The following ZFHX3 variants were observed in gnomAD, a reference collection of about 807,000 sequenced individuals.
ZFHX3 encodes the protein zinc finger homeobox protein 3.
ZFHX3 carries 42 observed loss-of-function variants against 279.1 expected under a neutral mutation model. That is an observed-to-expected ratio of 0.15 (90% confidence interval 0.12 to 0.19). ZFHX3 has a LOEUF of 0.19. ZFHX3 is among the 10% of genes least tolerant of loss of function. The pLI is 1.00. For synonymous variants in ZFHX3, 2,293 were observed against 1,957.8 expected, an observed-to-expected ratio of 1.17 and a Z score of -4.52; for missense variants, 4,981 against 4,754.0, an observed-to-expected ratio of 1.05 and a Z score of -1.40.
At chr16:73,718,367 T>C (rs755657460) in intron 1 of ZFHX3, among the ~76,000 whole-genome samples, 120 of 152,088 alleles carry the variant, frequency 7.9e-4, no homozygotes, top group Middle Eastern at 3.4e-3. Context: ...GCCAAGATCT[T>C]GCCATCACAC....
intron 3 of ZFHX3, among the ~76,000 whole-genome samples, chr16:73,416,970 C>A (rs940927980): frequency 2.6e-5 from 4 of 152,000 alleles, no homozygotes; most frequent in African/African-American, 9.7e-5. Context: ...AAAACAGTAA[C>A]TTTGCGGCAT....
intron 3 of ZFHX3, among the ~76,000 whole-genome samples, chr16:73,435,638 G>C (rs1007237688): frequency 1.3e-5 from 2 of 152,198 alleles, no homozygotes; most frequent in African/African-American, 4.8e-5. Context: ...AATGTTCCCT[G>C]AAGGGCAAAA....
At chr16:73,505,365 A>G (rs2019308622) in intron 2 of ZFHX3, among the ~76,000 whole-genome samples, 2 of 152,158 alleles carry the variant, frequency 1.3e-5, no homozygotes, top group African/African-American at 4.8e-5. Flanking sequence ...GGGCGTGAAC[A>G]GTAGGGCTGA....
chr16:73,840,224 G>T (rs762315803), intron 1 of ZFHX3, among the ~76,000 whole-genome samples: 4 of 152,132 alleles, frequency 2.6e-5, no homozygotes, highest in Non-Finnish European at 5.9e-5. Context: ...AAGATGGGGA[G>T]AAAGGAAAAC....
At position 73,339,585 on chromosome 16, in the gene ZFHX3, G is replaced by A. The variant is rs151148699; in HGVS notation, c.-1290-21249C>T. On this transcript the variant is annotated intron_variant, in intron 3 of 17. Coordinates refer to the ZFHX3 transcript ENST00000641206. ...GTACTAATATATTTTTCTATTAGACGTTTTGCCACCTCACCAATAGTAGGA... is the reference window on the plus strand; with the variant it reads ...GTACTAATATATTTTTCTATTAGACATTTTGCCACCTCACCAATAGTAGGA... 7.4e-4 allele frequency among the ~76,000 whole-genome samples: 113 copies of A among 152,226 alleles called. 2 individuals are homozygous for A. The highest frequency in any genetic ancestry group is 4.1e-4 in the South Asian group (2 of 4,822).
At chr16:73,317,645 G>A (rs897316180) in intron 4 of ZFHX3, among the ~76,000 whole-genome samples, 1 of 152,106 alleles carries the variant, frequency 6.6e-6, no homozygotes, top group Non-Finnish European at 1.5e-5. Flanking sequence ...TGGCCATTGG[G>A]GGCCAGCAGT....
chr16:72,827,242 C>T (rs1433932227), intron 5 of ZFHX3, among the ~76,000 whole-genome samples: 3 of 152,220 alleles, frequency 2.0e-5, no homozygotes, highest in Non-Finnish European at 4.4e-5. Context: ...CAAAGAGAAA[C>T]TGCTACCAGT....
At chr16:72,969,341 A>G (rs1029226817) in intron 1 of ZFHX3, among the ~76,000 whole-genome samples, 15 of 152,084 alleles carry the variant, frequency 9.9e-5, no homozygotes, top group African/African-American at 1.9e-4. Context: ...AGACAAATAA[A>G]TGGCCATTCC....
At chr16:73,113,192 G>A (rs1345919558) in intron 7 of ZFHX3, among the ~76,000 whole-genome samples, 4 of 152,118 alleles carry the variant, frequency 2.6e-5, no homozygotes, top group African/African-American at 9.7e-5. Flanking sequence ...AAGAGGCCTG[G>A]AGAAAGAGAG....
intron 3 of ZFHX3, among the ~76,000 whole-genome samples, chr16:73,447,897 G>A (rs1294252605): frequency 2.0e-5 from 3 of 152,172 alleles, no homozygotes; most frequent in African/African-American, 7.2e-5. Flanking sequence ...TCATCATGCT[G>A]TAAAAAATAG....
rs1301735886 is a variant in ZFHX3 at position 72,787,317 on chromosome 16, G to C, written c.10959C>G (p.Pro3653=). ...CCGAATAGTCGTCTGTTGGCATCGA[G>C]GGCTGAACCCCTGAGGTGCTGCATG... The part of the protein sequence containing the change: ...SSSCSTSGVQ[P]SMPTDDYSEE... The change falls in exon 10 of 10, where the codon CCC becomes CCG. Residue 3653 remains proline (P), a synonymous_variant. Coordinates refer to ENST00000268489, the MANE Select transcript of ZFHX3 (RefSeq NM_006885.4). 2 of 1,613,994 alleles carry C rather than the reference G, an allele frequency of 1.2e-6. No homozygotes were observed. Among genetic ancestry groups the C allele is most frequent in the Non-Finnish European group, 1.7e-6 (2 of 1,179,988 alleles).
intron 1 of ZFHX3, among the ~76,000 whole-genome samples, chr16:73,007,919 C>A (rs182057757): frequency 6.6e-6 from 1 of 152,236 alleles, no homozygotes; most frequent in Admixed American, 6.5e-5. Flanking sequence ...ACATTTGTTA[C>A]ACTTTTTCTA....
At chr16:73,536,648 C>T (rs1236095977) in intron 2 of ZFHX3, among the ~76,000 whole-genome samples, 6 of 152,010 alleles carry the variant, frequency 3.9e-5, no homozygotes, top group African/African-American at 7.3e-5. Context: ...CTGTGTGTGC[C>T]ACCTAAAATG....
chr16:73,596,287 T>G (rs1396647540), intron 2 of ZFHX3, among the ~76,000 whole-genome samples: 1 of 152,148 alleles, frequency 6.6e-6, no homozygotes, highest in Admixed American at 6.6e-5. Flanking sequence ...CCTCCCAAAC[T>G]GCTGGGATTA....
At chr16:73,193,254 G>A (rs1470570661) in intron 5 of ZFHX3, among the ~76,000 whole-genome samples, 3 of 152,168 alleles carry the variant, frequency 2.0e-5, no homozygotes, top group African/African-American at 7.2e-5. Flanking sequence ...ACCTAGTCTT[G>A]TGACCCTCAC....
intron 4 of ZFHX3, among the ~76,000 whole-genome samples, chr16:72,861,902 C>T (rs1318250213): frequency 1.1e-4 from 16 of 152,110 alleles, no homozygotes; most frequent in Admixed American, 1.0e-3. Context: ...GTAATCCCAA[C>T]TACTAGGGAG....
At chr16:73,791,522 T>C (rs1008659493) in intron 1 of ZFHX3, among the ~76,000 whole-genome samples, 5 of 152,176 alleles carry the variant, frequency 3.3e-5, no homozygotes, top group Non-Finnish European at 7.3e-5. Context: ...TCTCCCAGGT[T>C]CAAGTGATTC....
At chr16:73,396,784 G>T (rs2017138984) in intron 3 of ZFHX3, among the ~76,000 whole-genome samples, 2 of 152,198 alleles carry the variant, frequency 1.3e-5, no homozygotes, top group South Asian at 4.1e-4. Context: ...TACAATTAAA[G>T]ATGAGAGTTG....
chr16:73,025,266 C>T (rs1041210379), intron 1 of ZFHX3, among the ~76,000 whole-genome samples: 7 of 152,260 alleles, frequency 4.6e-5, no homozygotes, highest in East Asian at 3.9e-4. Context: ...CTTCCCAATG[C>T]GGCGGCAGCC....
Sources: allele counts gnomAD v4.1 joint callset (sites outside exome capture counted in the v4.1 genomes callset), GRCh38; gene constraint gnomAD v4.1.1; transcripts MANE v1.5; gene names NCBI Gene and HGNC (gene_info 2026-07-23, HGNC 2026-07-21).